TEAD4: variants seen among roughly 807,000 people sequenced by gnomAD.
TEAD4 encodes the protein transcriptional enhancer factor TEF-3.
In TEAD4, 36 loss-of-function variants were observed where a neutral mutation model predicts 52.4. The ratio of observed to expected loss-of-function variants is 0.69; its 90% CI spans 0.53 to 0.91. The LOEUF is 0.91. Among genes scored for constraint, TEAD4 ranks in the 40% least tolerant of loss-of-function variants. TEAD4 has a pLI of 0.00. For missense variants in TEAD4, 508 were observed against 583.9 expected (o/e 0.87, Z 1.34); for synonymous variants, 220 against 231.0 (o/e 0.95, Z 0.43).
chr12:2,970,416 G>T (rs1439430863), intron 2 of TEAD4, among the ~76,000 whole-genome samples: 1 of 152,230 alleles, frequency 6.6e-6, no homozygotes. Flanking sequence ...TGTATGTGAA[G>T]ACTAAATGAG....
chr12:3,006,442 C>T (rs1260913837), intron 3 of TEAD4, among the ~76,000 whole-genome samples: 1 of 152,150 alleles, frequency 6.6e-6, no homozygotes, highest in Non-Finnish European at 1.5e-5. Flanking sequence ...ACCTGTAATC[C>T]CAGCACTTTG....
chr12:2,971,802 TTTTC>T (rs1477779564), intron 2 of TEAD4, among the ~76,000 whole-genome samples: 15 of 145,906 alleles, frequency 1.0e-4, no homozygotes, highest in Non-Finnish European at 2.1e-4. Context: ...ATCCTTTTTT[TTTTC>T]TTTCTTTCTT....
chr12:2,981,710 G>T (rs534112128), intron 2 of TEAD4, among the ~76,000 whole-genome samples: 55 of 152,272 alleles, frequency 3.6e-4, no homozygotes, highest in Middle Eastern at 3.4e-3. Flanking sequence ...AATTAGTACT[G>T]AGGCCCACCC....
At chr12:2,995,128 T>G in intron 3 of TEAD4, 136 bp downstream of exon 3, 42 of 997,368 alleles carry the variant, frequency 4.2e-5, no homozygotes, top group East Asian at 1.1e-4. Context: ...CTTTCTTCCC[T>G]CCTGGGCTCC....
At chr12:3,021,379 C>T (rs1215052936) in intron 9 of TEAD4, among the ~76,000 whole-genome samples, 1 of 149,404 alleles carries the variant, frequency 6.7e-6, no homozygotes, top group East Asian at 2.0e-4. Context: ...GGCATGATCT[C>T]AGCTTACTGC....
intron 3 of TEAD4, among the ~76,000 whole-genome samples, chr12:2,999,007 A>G (rs1565536201): frequency 6.6e-6 from 1 of 152,150 alleles, no homozygotes; most frequent in Non-Finnish European, 1.5e-5. Context: ...GAGCCAAGGC[A>G]GGACTGCGTG....
At chr12:3,032,698 T>A (rs973727996) in intron 10 of TEAD4, among the ~76,000 whole-genome samples, 2 of 152,162 alleles carry the variant, frequency 1.3e-5, no homozygotes, top group African/African-American at 4.8e-5. Flanking sequence ...CCCCACCCCT[T>A]GCCTGAGCCC....
At chr12:2,983,056 G>A (rs1408712648) in intron 2 of TEAD4, among the ~76,000 whole-genome samples, 2 of 152,110 alleles carry the variant, frequency 1.3e-5, no homozygotes, top group Admixed American at 6.5e-5. Context: ...TGACATCCTG[G>A]CCTCCACCGC....
chr12:3,013,938 T>C (rs1427959447), intron 5 of TEAD4, among the ~76,000 whole-genome samples: 1 of 152,210 alleles, frequency 6.6e-6, no homozygotes, highest in Admixed American at 6.5e-5. Context: ...GAAAGTCCCT[T>C]CTGGCCCTGG....
chr12:3,040,320 C>T, intron 12 of TEAD4, 45 bp from the exon 13 acceptor site: 1 of 1,613,912 alleles, frequency 6.2e-7, no homozygotes. Context: ...CCATGGCATG[C>T]CCCTTCTGGG....
At chr12:2,996,676 A>T (rs2098247467) in intron 3 of TEAD4, among the ~76,000 whole-genome samples, 1 of 152,098 alleles carries the variant, frequency 6.6e-6, no homozygotes, top group East Asian at 1.9e-4. Context: ...TCCCAAAGTG[A>T]TGGGATTACA....
chr12:3,034,938 A>AG (rs956878660), intron 10 of TEAD4, among the ~76,000 whole-genome samples: 5 of 151,948 alleles, frequency 3.3e-5, no homozygotes, highest in African/African-American at 9.7e-5. Flanking sequence ...TACTAAAAAA[A>AG]AAAAATACAA....
rs141376355 is a variant in TEAD4, at chr12:3,040,195, A to G, written c.1127A>G (p.Lys376Arg). ...GAGTACATGATCAACTTCATCCACA[A>G]GCTCAAGCACCTCCCTGAGAAGTAC... Residue 376 changes from lysine (K) to arginine (R), a missense_variant, in exon 12 of 13, where the codon AAG (lysine) becomes AGG (arginine). Transcript: ENST00000359864. 6.8e-6 allele frequency: 11 copies of G among 1,614,100 alleles called. No homozygotes were observed. Among genetic ancestry groups the G allele is most frequent in the Non-Finnish European group, 9.3e-6 (11 of 1,180,050 alleles).
chr12:2,979,558 ATG>A (rs1461559776), intron 2 of TEAD4, among the ~76,000 whole-genome samples: 1 of 152,214 alleles, frequency 6.6e-6, no homozygotes, highest in Non-Finnish European at 1.5e-5. Flanking sequence ...CAGTGCACGC[ATG>A]TGTCCACAAA....
chr12:3,020,612 G>A, intron 8 of TEAD4, 22 bp from the exon 9 acceptor site: 2 of 1,513,784 alleles, frequency 1.3e-6, no homozygotes, highest in Non-Finnish European at 1.8e-6. Context: ...CAGGTTCCAT[G>A]TGCCTTTCTC....
At chr12:3,019,379 C>T (rs1383431392) in intron 8 of TEAD4, among the ~76,000 whole-genome samples, 2 of 152,244 alleles carry the variant, frequency 1.3e-5, no homozygotes, top group African/African-American at 2.4e-5. Context: ...TCATGCCCCT[C>T]GGGTTGCCTT....
chr12:2,978,714 A>G (rs1234195039), intron 2 of TEAD4, among the ~76,000 whole-genome samples: 1 of 151,552 alleles, frequency 6.6e-6, no homozygotes, highest in Admixed American at 6.6e-5. Context: ...ATGACTGTTA[A>G]TGTTATGAAT....
intron 2 of TEAD4, among the ~76,000 whole-genome samples, chr12:2,980,877 A>C (rs1001909388): frequency 1.3e-5 from 2 of 152,298 alleles, no homozygotes; most frequent in South Asian, 4.1e-4. Context: ...TCAAGAAAAA[A>C]GCAGCATCAT....
In TEAD4 at chr12:2,994,492, T is replaced by C. The variant is rs1159859043; in HGVS notation, c.-29-246T>C. On this transcript the variant is annotated intron_variant, in intron 2 of 12. Transcript: ENST00000359864. The surrounding 1 kb of genome is among the most constrained non-coding windows in gnomAD (Gnocchi z 4.7). ...ATCCTTGTCTCCTACTTTTCAGCCCTTGTCTGGGTTCCTTGATACCAGGGA... is the reference window on the plus strand; with the variant it reads ...ATCCTTGTCTCCTACTTTTCAGCCCCTGTCTGGGTTCCTTGATACCAGGGA... Among the ~76,000 whole-genome samples, 2 of 152,182 alleles carry C rather than the reference T, an allele frequency of 1.3e-5. No individual in the cohort carries two copies. The highest frequency in any genetic ancestry group is 6.5e-5 in the Admixed American group (1 of 15,284).
Sources: gnomAD v4.1 joint callset for allele counts (sites outside exome capture counted in the v4.1 genomes callset) on GRCh38, gnomAD v4.1.1 for gene constraint, Gnocchi (gnomAD v3.1) non-coding constraint, MANE v1.5 for transcripts, NCBI Gene and HGNC (gene_info 2026-07-23, HGNC 2026-07-21) for gene names.